The following TNC variants were observed in gnomAD, a reference collection of about 807,000 sequenced individuals.
The protein encoded by TNC is tenascin.
Under a neutral mutation model 202.4 loss-of-function variants are expected in TNC, and 109 were observed. The observed-to-expected ratio is 0.54, with a 90% confidence interval of 0.46 to 0.63. The LOEUF is 0.63. Ranked by LOEUF, TNC falls within the 30% of genes least tolerant of loss-of-function variation. The probability of loss-of-function intolerance (pLI) is 0.00; values close to 1 mark genes in which losing one functional copy is unlikely to be tolerated. For missense variants in TNC, 2,756 were observed against 2,833.3 expected, an observed-to-expected ratio of 0.97 and a Z score of 0.62; for synonymous variants, 1,007 against 1,089.7, an observed-to-expected ratio of 0.92 and a Z score of 1.50.
Position 115,059,974 on chromosome 9 carries a change from G to A in TNC, c.4062C>T (p.Ala1354=), listed in dbSNP as rs1253512359. 8.1e-6 allele frequency: 13 copies of A among 1,613,642 alleles called. No individual in the cohort carries two copies. Among genetic ancestry groups the A allele is most frequent in the Middle Eastern group, 3.3e-4 (2 of 6,084 alleles). Residue 1354 remains alanine, a synonymous_variant, in exon 14 of 28, where the codon GCC becomes GCT. Coordinates refer to ENST00000350763, the MANE Select transcript of TNC (RefSeq NM_002160.4). The part of the protein sequence containing the change: ...TEDLPQLGDL[A]VSEVGWDGLR... ...GGCCATCCCAGCCAACCTCAGACAC[G>A]GCTAAATCTCCCAGCTGTGGGAGAT...
chr9:115,065,642 T>C (rs982319155), intron 10 of TNC, among the ~76,000 whole-genome samples: 1 of 151,950 alleles, frequency 6.6e-6, no homozygotes, highest in African/African-American at 2.4e-5. Flanking sequence ...TGGCTCTTCT[T>C]AGATACCCTT....
chr9:115,091,822 C>T (rs942108973), intron 1 of TNC, among the ~76,000 whole-genome samples: 1 of 152,206 alleles, frequency 6.6e-6, no homozygotes, highest in South Asian at 2.1e-4. Flanking sequence ...CTCCTCTGCA[C>T]CTCAGTTTCC....
At chr9:115,054,092 C>T (rs7858752) in intron 15 of TNC, among the ~76,000 whole-genome samples, 1 of 151,964 alleles carries the variant, frequency 6.6e-6, no homozygotes, top group African/African-American at 2.4e-5. Flanking sequence ...TAGAGAGAGG[C>T]AACAGTACTG....
Position 115,089,474 on chromosome 9 carries a change from C to G in TNC, c.457+1088G>C, listed in dbSNP as rs1174295495. 6.0e-5 allele frequency among the ~76,000 whole-genome samples: 8 copies of G among 133,890 alleles called. No homozygotes were observed. The South Asian group carries it at 1.6e-3, about 27-fold the overall frequency. 87.8% of individuals were successfully genotyped at this position (133,890 alleles called of 152,430 possible). The stretch of plus-strand genomic sequence containing the variant: ...GGAGACACACAGGCACATGCAAAAT[C>G]CCTATCTCTCTCTCTCTCTCTCTCT... On this transcript the variant is annotated intron_variant, in intron 2 of 27. Transcript: ENST00000350763.
At chr9:115,057,459 A>G (rs1832222516) in intron 14 of TNC, 34 bp from the exon 15 acceptor site, 3 of 1,550,350 alleles carry the variant, frequency 1.9e-6, no homozygotes, top group Admixed American at 2.0e-5. Flanking sequence ...GAAGAAAAAA[A>G]TAAATTTGAG....
At chr9:115,076,310 G>A (rs1833847425) in intron 8 of TNC, 80 bp downstream of exon 8, 5 of 1,519,876 alleles carry the variant, frequency 3.3e-6, no homozygotes, top group African/African-American at 1.4e-5. Flanking sequence ...TTGCAAATGG[G>A]GACATGTGGG....
rs757529992 is a variant in TNC, at chr9:115,026,652, C to T, written c.6213G>A (p.Glu2071=). ...CATGGTCCCGCAGGTCCACCCGGAG[C>T]TCGTACTGCCCCTGGGCTGTGATTT... ...LNKITAQGQY[E]LRVDLRDHGE... Residue 2071 remains glutamate (E), a synonymous_variant, in exon 26 of 28, where the codon GAG becomes GAA. Transcript: ENST00000350763. 6.2e-7 allele frequency: 1 copy of T among 1,613,964 alleles called. No individual in the cohort carries two copies. The highest frequency in any genetic ancestry group is 1.7e-5 in the Admixed American group (1 of 60,020).
chr9:115,066,687 AC>A (rs1180072907), intron 10 of TNC, among the ~76,000 whole-genome samples: 3 of 152,218 alleles, frequency 2.0e-5, no homozygotes, highest in Non-Finnish European at 4.4e-5. Context: ...CAGCAAGCTA[AC>A]AACAGTTTTT....
At position 115,077,194 on chromosome 9, in the gene TNC, A is replaced by T. The variant is rs181546657; in HGVS notation, c.2675-619T>A. Among the ~76,000 whole-genome samples, 1,044 of 152,330 alleles carry T rather than the reference A, an allele frequency of 6.9e-3. 16 individuals are homozygous for T. The highest frequency in any genetic ancestry group is 0.024 in the African/African-American group (983 of 41,582). On this transcript the variant is annotated intron_variant, in intron 7 of 27. Transcript: ENST00000350763. Reference sequence around the variant, plus strand: ...CCTGCCTCAGCCTGTAGCTGGGACTACAGGCACCCGCCACCACGCCTGGCT... The same window carrying T: ...CCTGCCTCAGCCTGTAGCTGGGACTTCAGGCACCCGCCACCACGCCTGGCT...
At chr9:115,052,352 G>T (rs2132296693) in intron 15 of TNC, among the ~76,000 whole-genome samples, 1 of 152,062 alleles carries the variant, frequency 6.6e-6, no homozygotes, top group African/African-American at 2.4e-5. Context: ...ACAAAGTTCA[G>T]TTAGACAGAA....
chr9:115,085,829 G>A (rs1293442919), intron 3 of TNC, 35 bp downstream of exon 3: 1 of 1,561,340 alleles, frequency 6.4e-7, no homozygotes, highest in South Asian at 1.2e-5. Flanking sequence ...ACTCCATCAT[G>A]GCCATTATAT....
chr9:115,097,596 G>T (rs1835894041), intron 1 of TNC, among the ~76,000 whole-genome samples: 1 of 152,150 alleles, frequency 6.6e-6, no homozygotes, highest in Non-Finnish European at 1.5e-5. Flanking sequence ...AAAATGGTTG[G>T]ATACAACTCC....
chr9:115,080,343 C>T (rs1484854838), intron 6 of TNC, among the ~76,000 whole-genome samples: 1 of 151,880 alleles, frequency 6.6e-6, no homozygotes, highest in Non-Finnish European at 1.5e-5. Context: ...CTGTTGGTAC[C>T]TGCTTTTCTA....
At chr9:115,102,216 T>C (rs984218369) in intron 1 of TNC, among the ~76,000 whole-genome samples, 1 of 152,186 alleles carries the variant, frequency 6.6e-6, no homozygotes, top group Admixed American at 6.6e-5. Context: ...CATGATTTTA[T>C]ACAGCCTTTT....
At chr9:115,083,112 C>A (rs934689923) in intron 4 of TNC, among the ~76,000 whole-genome samples, 1 of 152,164 alleles carries the variant, frequency 6.6e-6, no homozygotes, top group Non-Finnish European at 1.5e-5. Context: ...TGAACTTGAG[C>A]AATTGCACAC....
At chr9:115,061,339 G>T (rs1345832013) in intron 13 of TNC, among the ~76,000 whole-genome samples, 1 of 152,112 alleles carries the variant, frequency 6.6e-6, no homozygotes, top group East Asian at 1.9e-4. Context: ...CATGGGTGGA[G>T]GTATCCCCCT....
chr9:115,036,166 T>C lies in TNC; in HGVS notation c.5588A>G (p.Tyr1863Cys). The change falls in exon 21 of 28, where the codon TAC becomes TGC. Residue 1863 changes from tyrosine (Y) to cysteine (C), a missense_variant. Physicochemically the swap from Tyr to Cys is radical, Grantham distance 194. Transcript: ENST00000350763. ...ALTDLEPATE[Y>C]TLRIFAEKGP... is the part of the protein sequence containing the mutation. ...TTTCTCTGCAAAGATTCTCAGTGTG[T>C]ATTCCGTGGCAGGCTCGAGGTCGGT... 1 of 1,614,184 alleles carries C rather than the reference T, an allele frequency of 6.2e-7. No homozygotes were observed.
chr9:115,068,521 G>T (rs963628344), intron 10 of TNC, among the ~76,000 whole-genome samples: 1 of 152,140 alleles, frequency 6.6e-6, no homozygotes, highest in Non-Finnish European at 1.5e-5. Context: ...ACCCCAAAGG[G>T]TATCTTCAGT....
At chr9:115,029,649 T>TA (rs1392372464) in intron 24 of TNC, among the ~76,000 whole-genome samples, 193 bp from the exon 25 acceptor site, 4 of 152,090 alleles carry the variant, frequency 2.6e-5, no homozygotes, top group Admixed American at 2.0e-4. Flanking sequence ...AAACAGGGAT[T>TA]AAAAATACCA....
Sources: allele counts gnomAD v4.1 joint callset (sites outside exome capture counted in the v4.1 genomes callset), GRCh38; gene constraint gnomAD v4.1.1; transcripts MANE v1.5; gene names NCBI Gene and HGNC (gene_info 2026-07-23, HGNC 2026-07-21).